SH3YL1: variants seen among roughly 807,000 people sequenced by gnomAD.
SH3YL1 encodes SH3 and SYLF domain containing 1.
SH3YL1 carries 41 observed loss-of-function variants against 45.8 expected under a neutral mutation model. That is an observed-to-expected ratio of 0.89 (90% CI 0.70 to 1.16). The LOEUF is 1.16. Ranked by LOEUF, SH3YL1 falls within the 50% of genes most tolerant of loss-of-function variation. The probability of loss-of-function intolerance (pLI) is 0.00; values close to 1 mark genes in which losing one functional copy is unlikely to be tolerated. For synonymous variants in SH3YL1, 152 were observed against 151.4 expected, an observed-to-expected ratio of 1.00 and a Z score of -0.03; for missense variants, 389 against 409.6, an observed-to-expected ratio of 0.95 and a Z score of 0.43.
At chr2:242,717 T>C in intron 4 of SH3YL1, 11 of 1,416,714 alleles carry the variant, frequency 7.8e-6, no homozygotes, top group Non-Finnish European at 1.0e-5. Flanking sequence ...ATTATTAGCA[T>C]GGATAAAACA....
chr2:219,249 A>C (rs576563972), intron 9 of SH3YL1, among the ~76,000 whole-genome samples: 1 of 152,348 alleles, frequency 6.6e-6, no homozygotes, highest in South Asian at 2.1e-4. Flanking sequence ...CTATGAGATA[A>C]TACAACTTAC....
At chr2:240,273 G>A (rs1333334025) in intron 4 of SH3YL1, 2 of 152,308 alleles carry the variant, frequency 1.3e-5, no homozygotes, top group African/African-American at 4.8e-5. Context: ...AGGCTGCAGG[G>A]ATGTCACTCC....
intron 8 of SH3YL1, among the ~76,000 whole-genome samples, chr2:228,678 G>C (rs1235779081): frequency 6.6e-6 from 1 of 152,170 alleles, no homozygotes; most frequent in African/African-American, 2.4e-5. Context: ...ATCTGAACAT[G>C]AATCAGCAGT....
intron 4 of SH3YL1, among the ~76,000 whole-genome samples, chr2:235,346 T>TCAGGGGAGGCAGCATGGGC (rs1668240226): frequency 1.4e-5 from 2 of 143,228 alleles, no homozygotes; most frequent in African/African-American, 5.2e-5. Flanking sequence ...GCAGCATGGG[T>TCAGGGGAGGCAGCATGGGC]CAGGGGAGGC....
intron 4 of SH3YL1, chr2:241,900 A>G (rs1159269071): frequency 1.3e-5 from 2 of 152,142 alleles, no homozygotes; most frequent in Non-Finnish European, 2.9e-5. Flanking sequence ...GAAATATTAT[A>G]AATTCTAAAC....
chr2:258,398 T>C (rs1463547203), intron 1 of SH3YL1, among the ~76,000 whole-genome samples: 1 of 152,222 alleles, frequency 6.6e-6, no homozygotes, highest in Non-Finnish European at 1.5e-5. Flanking sequence ...TTAGGTATTT[T>C]ATTCTTTTTG....
intron 8 of SH3YL1, among the ~76,000 whole-genome samples, chr2:226,853 G>T (rs997047601): frequency 2.6e-5 from 4 of 151,830 alleles, no homozygotes; most frequent in African/African-American, 9.7e-5. Context: ...ATTGCACATG[G>T]TCGGTAGTAT....
chr2:242,758 T>C, intron 4 of SH3YL1: 1 of 1,497,854 alleles, frequency 6.7e-7, no homozygotes. Context: ...AACATCCAAT[T>C]ATATGCTCCA....
intron 1 of SH3YL1, among the ~76,000 whole-genome samples, chr2:255,388 G>T (rs960851140): frequency 3.3e-5 from 5 of 152,196 alleles, no homozygotes; most frequent in Non-Finnish European, 7.3e-5. Context: ...GAGGCCAGGA[G>T]TTCGAGACCA....
chr2:257,649 T>G (rs948727081), intron 1 of SH3YL1, among the ~76,000 whole-genome samples: 1 of 152,228 alleles, frequency 6.6e-6, no homozygotes, highest in Admixed American at 6.5e-5. Flanking sequence ...CTTCCCCTTT[T>G]TTGGTCTATA....
At position 230,362 on chromosome 2, in the gene SH3YL1, C is replaced by T. The variant is rs768531035; in HGVS notation, c.703-318G>A. The T allele has an allele frequency of 1.3e-3, 261 of 206,264 alleles. 5 individuals carry two copies. The highest frequency in any genetic ancestry group is 2.4e-4 in the Non-Finnish European group (25 of 103,114). 12.8% of individuals were successfully genotyped at this position (206,264 alleles called of 1,614,324 possible). On this transcript the variant is annotated intron_variant, in intron 7 of 9. Coordinates refer to ENST00000356150, the MANE Select transcript of SH3YL1 (RefSeq NM_015677.4). ...TGGTTTAGCAAGCAACTGGCAGAGG[C>T]AGTGACAGACAAACTCTAGGCTTCA... is the stretch of plus-strand genomic sequence containing the variant.
intron 1 of SH3YL1, chr2:263,746 A>C: frequency 4.3e-6 from 2 of 469,106 alleles, no homozygotes; most frequent in Non-Finnish European, 7.6e-6. Flanking sequence ...ATCATTCCAA[A>C]CTTCGGAATA....
In SH3YL1 at chr2:264,023, C is replaced by A; in HGVS notation, c.-39G>T. 1.4e-6 allele frequency: 2 copies of A among 1,411,666 alleles called. No individual in the cohort carries two copies. Among genetic ancestry groups the A allele is most frequent in the Non-Finnish European group, 1.9e-6 (2 of 1,076,292 alleles). 87.4% of individuals were successfully genotyped at this position (1,411,666 alleles called of 1,614,324 possible). A position where few individuals can be genotyped will look rare whatever the true frequency, so the allele number is the denominator to read the frequency against. ...CCGCGGCGCCCCGTCCCGAGGCTGC[C>A]CAGGAAGAGGAAGGCGCGCTGCCCC... On this transcript the variant is annotated 5_prime_UTR_variant, in exon 1 of 10. Coordinates refer to ENST00000356150, the MANE Select transcript of SH3YL1 (RefSeq NM_015677.4).
At chr2:258,942 C>T (rs1669472603) in intron 1 of SH3YL1, among the ~76,000 whole-genome samples, 1 of 152,182 alleles carries the variant, frequency 6.6e-6, no homozygotes, top group Non-Finnish European at 1.5e-5. Flanking sequence ...TCAGCCGTCC[C>T]TCATTGCTAG....
At chr2:240,582 T>C (rs1668498982) in intron 4 of SH3YL1, 1 of 152,056 alleles carries the variant, frequency 6.6e-6, no homozygotes, top group Non-Finnish European at 1.5e-5. Flanking sequence ...CCTCCTGAAA[T>C]AGAAATGAGC....
chr2:238,467 C>T (rs1327497992), intron 4 of SH3YL1, among the ~76,000 whole-genome samples: 1 of 152,152 alleles, frequency 6.6e-6, no homozygotes, highest in East Asian at 1.9e-4. Context: ...TCAACTTAAA[C>T]CCAAATACCT....
chr2:257,847 G>T (rs1669414404), intron 1 of SH3YL1, among the ~76,000 whole-genome samples: 1 of 152,138 alleles, frequency 6.6e-6, no homozygotes, highest in South Asian at 2.1e-4. Flanking sequence ...ATAAGGAAGG[G>T]GTCCTGTTTC....
intron 4 of SH3YL1, among the ~76,000 whole-genome samples, chr2:247,131 G>C (rs1668854677): frequency 6.6e-6 from 1 of 152,172 alleles, no homozygotes; most frequent in Non-Finnish European, 1.5e-5. Flanking sequence ...GGAGGGATTT[G>C]AATATCATAT....
chr2:252,857 T>C, intron 2 of SH3YL1, 148 bp downstream of exon 2: 1 of 592,780 alleles, frequency 1.7e-6, no homozygotes, highest in South Asian at 2.2e-5. Flanking sequence ...GGATCAGTCA[T>C]GAGAAAAAAG....
Sources: gnomAD v4.1 joint callset for allele counts (sites outside exome capture counted in the v4.1 genomes callset) on GRCh38, gnomAD v4.1.1 for gene constraint, MANE v1.5 for transcripts, NCBI Gene and HGNC (gene_info 2026-07-23, HGNC 2026-07-21) for gene names.